The following MAGI2 variants were observed in gnomAD, a reference collection of about 807,000 sequenced individuals.
MAGI2 encodes the protein membrane associated guanylate kinase, WW and PDZ domain containing 2.
Under a neutral mutation model 133.3 loss-of-function variants are expected in MAGI2, and 35 were observed. The observed-to-expected ratio is 0.26, with a 90% CI of 0.20 to 0.35. The LOEUF (loss-of-function observed/expected upper bound fraction) is 0.35. Among genes scored for constraint, MAGI2 ranks in the 10% least tolerant of loss-of-function variants. The pLI is 1.00. For synonymous variants in MAGI2, 729 were observed against 710.6 expected (o/e 1.03, Z -0.41); for missense variants, 1,636 against 1,863.4 (o/e 0.88, Z 2.25).
chr7:79,376,574 A>G (rs1026957770), intron 1 of MAGI2, among the ~76,000 whole-genome samples: 2 of 151,820 alleles, frequency 1.3e-5, no homozygotes, highest in Admixed American at 6.6e-5. Context: ...AGGTGATGTC[A>G]ATGACTAATG....
At chr7:78,819,178 G>A (rs1789869796) in intron 2 of MAGI2, among the ~76,000 whole-genome samples, 1 of 152,054 alleles carries the variant, frequency 6.6e-6, no homozygotes, top group Non-Finnish European at 1.5e-5. Flanking sequence ...ACTGTTGGCT[G>A]CATTTATTGT....
chr7:78,175,226 T>G (rs184035580), intron 14 of MAGI2, among the ~76,000 whole-genome samples: 1 of 152,192 alleles, frequency 6.6e-6, no homozygotes, highest in Non-Finnish European at 1.5e-5. Flanking sequence ...AGAATAACTA[T>G]AGAAGGTGCT....
intron 1 of MAGI2, among the ~76,000 whole-genome samples, chr7:79,022,186 C>G (rs1584707887): frequency 6.6e-6 from 1 of 151,926 alleles, no homozygotes; most frequent in Non-Finnish European, 1.5e-5. Context: ...TAATACAGAC[C>G]AAAATGCAGT....
intron 10 of MAGI2, among the ~76,000 whole-genome samples, chr7:78,239,266 G>C (rs1196792283): frequency 6.6e-6 from 1 of 152,038 alleles, no homozygotes; most frequent in East Asian, 1.9e-4. Flanking sequence ...AACTCAAAAT[G>C]GCTCAAAGAC....
At chr7:79,021,192 C>G (rs972816065) in intron 1 of MAGI2, among the ~76,000 whole-genome samples, 6 of 152,228 alleles carry the variant, frequency 3.9e-5, no homozygotes, top group Admixed American at 2.6e-4. Context: ...ATGGGTGGAG[C>G]CTTCATGAAG....
In MAGI2 at chr7:79,324,618, TA is replaced by T. The variant is rs746803714; in HGVS notation, c.301+128401del. 1.4e-3 allele frequency among the ~76,000 whole-genome samples: 128 copies of T among 90,054 alleles called. 37 individuals carry two copies. The highest frequency in any genetic ancestry group is 5.9e-3 in the African/African-American group (125 of 21,090). The allele number at this position is 90,054 out of a possible 152,430, so 59.1% of individuals were successfully genotyped here. A position where few individuals can be genotyped will look rare whatever the true frequency, so the allele number is the denominator to read the frequency against. ...ACAATATATATATAAAAAATATATA[TA>T]ATATATATATTATATATATATAAAA... On this transcript the variant is annotated intron_variant, in intron 1 of 21. Coordinates refer to ENST00000354212, the MANE Select transcript of MAGI2 (RefSeq NM_012301.4).
At position 79,165,360 on chromosome 7, in the gene MAGI2, A is replaced by T. The variant is rs74727727; in HGVS notation, c.302-158154T>A. On this transcript the variant is annotated intron_variant, in intron 1 of 21. Transcript: ENST00000354212. The stretch of plus-strand genomic sequence containing the variant: ...TTACCCACTGCAATCAAAGCCCTAG[A>T]CACTCTTTAAGCATCCAGTTCACAC... 5.3e-5 allele frequency among the ~76,000 whole-genome samples: 8 copies of T among 152,012 alleles called. No individual in the cohort carries two copies. The East Asian group carries it at 1.6e-3, about 29-fold the overall frequency.
At chr7:79,291,546 C>T (rs1252278362) in intron 1 of MAGI2, among the ~76,000 whole-genome samples, 1 of 152,106 alleles carries the variant, frequency 6.6e-6, no homozygotes, top group Admixed American at 6.6e-5. Context: ...TGTATCAGGG[C>T]TCCATTTTCT....
chr7:78,827,517 T>C (rs1790771022), intron 2 of MAGI2, among the ~76,000 whole-genome samples: 1 of 152,064 alleles, frequency 6.6e-6, no homozygotes, highest in African/African-American at 2.4e-5. Context: ...ACTTAAGCAA[T>C]CCTCCCGCCT....
intron 2 of MAGI2, among the ~76,000 whole-genome samples, chr7:78,872,638 C>G (rs2151525096): frequency 6.6e-6 from 1 of 150,400 alleles, no homozygotes; most frequent in South Asian, 2.1e-4. Flanking sequence ...TTTTTAGATT[C>G]ACTCTCAGAA....
chr7:79,299,767 G>T (rs551385561), intron 1 of MAGI2, among the ~76,000 whole-genome samples: 11 of 152,112 alleles, frequency 7.2e-5, no homozygotes, highest in Non-Finnish European at 1.3e-4. Context: ...TGCTAGAGGA[G>T]GGGCCTAGTG....
chr7:78,466,800 T>C (rs1790682247), intron 6 of MAGI2, among the ~76,000 whole-genome samples: 1 of 152,106 alleles, frequency 6.6e-6, no homozygotes, highest in African/African-American at 2.4e-5. Context: ...TAGGGTTGCG[T>C]GACTGGGCTG....
intron 9 of MAGI2, among the ~76,000 whole-genome samples, chr7:78,284,332 C>A (rs2151021155): frequency 6.6e-6 from 1 of 152,162 alleles, no homozygotes; most frequent in East Asian, 1.9e-4. Flanking sequence ...AAGTTGCTAT[C>A]CAATCTCAGC....
At chr7:78,058,532 C>CA (rs1344332090) in intron 21 of MAGI2, among the ~76,000 whole-genome samples, 3 of 148,648 alleles carry the variant, frequency 2.0e-5, no homozygotes, top group Non-Finnish European at 4.4e-5. Flanking sequence ...TGTGCAATGG[C>CA]GTGATCTCGG....
chr7:79,241,452 G>A (rs754085296), intron 1 of MAGI2, among the ~76,000 whole-genome samples: 15 of 151,988 alleles, frequency 9.9e-5, no homozygotes, highest in Non-Finnish European at 1.6e-4. Flanking sequence ...GTTAACCACA[G>A]GAGGAATTTA....
intron 1 of MAGI2, among the ~76,000 whole-genome samples, chr7:79,026,197 A>G (rs190751310): frequency 6.6e-6 from 1 of 152,304 alleles, no homozygotes; most frequent in Admixed American, 6.5e-5. Context: ...TATATTCTCT[A>G]TTGCCCAATT....
intron 2 of MAGI2, among the ~76,000 whole-genome samples, chr7:78,735,021 T>A (rs1023453133): frequency 6.6e-6 from 1 of 152,158 alleles, no homozygotes; most frequent in Non-Finnish European, 1.5e-5. Context: ...TACGTATAAG[T>A]AGGTGGTAAA....
intron 2 of MAGI2, among the ~76,000 whole-genome samples, chr7:78,755,042 A>T (rs113003767): frequency 2.4e-4 from 37 of 152,340 alleles, no homozygotes; most frequent in African/African-American, 4.1e-4. Context: ...TATGCACTGA[A>T]ATTCAACCTT....
chr7:79,387,094 T>G (rs868184201), intron 1 of MAGI2, among the ~76,000 whole-genome samples: 2 of 141,588 alleles, frequency 1.4e-5, no homozygotes, highest in Admixed American at 7.1e-5. Context: ...ATTTTTATGC[T>G]TGTGTGTGTG....
Sources: gnomAD v4.1 joint callset for allele counts (sites outside exome capture counted in the v4.1 genomes callset) on GRCh38, gnomAD v4.1.1 for gene constraint, MANE v1.5 for transcripts, NCBI Gene and HGNC (gene_info 2026-07-23, HGNC 2026-07-21) for gene names.